The following XKR4 variants were observed in gnomAD, a reference collection of about 807,000 sequenced individuals.
The protein encoded by XKR4 is XK-related protein 4.
Under a neutral mutation model 53.9 loss-of-function variants are expected in XKR4, and 12 were observed. The observed-to-expected ratio is 0.22, with a 90% CI of 0.14 to 0.36. The LOEUF (loss-of-function observed/expected upper bound fraction) is 0.36, where lower values mean the gene tolerates loss of function less well. XKR4 is among the 10% of genes least tolerant of loss of function. The pLI is 1.00. For missense variants in XKR4, 799 were observed against 859.5 expected, an observed-to-expected ratio of 0.93 and a Z score of 0.88; for synonymous variants, 354 against 362.4, an observed-to-expected ratio of 0.98 and a Z score of 0.26.
At chr8:55,501,065 G>C (rs145182624) in intron 2 of XKR4, among the ~76,000 whole-genome samples, 1 of 152,308 alleles carries the variant, frequency 6.6e-6, no homozygotes, top group East Asian at 1.9e-4. Flanking sequence ...GAACAGACAG[G>C]TGTAATACTG....
chr8:55,309,066 G>A (rs947939426), intron 1 of XKR4, among the ~76,000 whole-genome samples: 14 of 152,148 alleles, frequency 9.2e-5, no homozygotes, highest in African/African-American at 3.4e-4. Context: ...AAAGGGCAAG[G>A]GAATGGATTC....
intron 1 of XKR4, among the ~76,000 whole-genome samples, chr8:55,103,728 GA>G (rs562489980): frequency 1.3e-5 from 2 of 150,696 alleles, no homozygotes; most frequent in Non-Finnish European, 3.0e-5. Flanking sequence ...GTTCCCTGGG[GA>G]AAAAAAATTG....
Position 55,528,663 on chromosome 8 carries a change from T to G in XKR4, c.*4436T>G, listed in dbSNP as rs1806908942. 6.6e-6 allele frequency: 1 copy of G among 152,208 alleles called. No individual in the cohort carries two copies. The highest frequency in any genetic ancestry group is 1.5e-5 in the Non-Finnish European group (1 of 68,042). 9.4% of individuals were successfully genotyped at this position (152,208 alleles called of 1,614,324 possible). A position where few individuals can be genotyped will look rare whatever the true frequency, so the allele number is the denominator to read the frequency against. On this transcript the variant is annotated 3_prime_UTR_variant, in exon 3 of 3. Transcript: ENST00000327381. ...ATTCAGATTATAGCTCAGAGGATGG[T>G]TGAAGCGCATGGTGAAAACACAGGA... is the stretch of plus-strand genomic sequence containing the variant.
At chr8:55,516,986 G>T (rs111450438) in intron 2 of XKR4, among the ~76,000 whole-genome samples, 3,841 of 152,200 alleles carry the variant, frequency 0.025, 78 homozygotes, top group South Asian at 0.075. Flanking sequence ...CAACATAGAT[G>T]GAACTGGGAG....
intron 1 of XKR4, among the ~76,000 whole-genome samples, chr8:55,108,913 A>G (rs1193970253): frequency 1.3e-5 from 2 of 152,126 alleles, no homozygotes; most frequent in East Asian, 3.9e-4. Flanking sequence ...CTAGAACTCA[A>G]TACTGATATG....
chr8:55,526,375 C>T lies in XKR4; in HGVS notation c.*2148C>T, dbSNP rs988548202. 1.3e-5 allele frequency: 2 copies of T among 152,126 alleles called. No individual in the cohort carries two copies. The highest frequency in any genetic ancestry group is 2.9e-5 in the Non-Finnish European group (2 of 68,020). The allele number at this position is 152,126 out of a possible 1,614,324, so 9.4% of individuals were successfully genotyped here. A position where few individuals can be genotyped will look rare whatever the true frequency, so the allele number is the denominator to read the frequency against. On this transcript the variant is annotated 3_prime_UTR_variant, in exon 3 of 3. Transcript: ENST00000327381. ...AAAATAGACAATTTTTATAAGTAGA[C>T]ATACTTCCTAGTACTCCATGATTTG...
intron 2 of XKR4, among the ~76,000 whole-genome samples, chr8:55,499,836 G>A (rs906886416): frequency 5.3e-5 from 8 of 152,094 alleles, no homozygotes; most frequent in African/African-American, 1.9e-4. Context: ...TTTTGTTTGG[G>A]CTATCACTGT....
intron 2 of XKR4, among the ~76,000 whole-genome samples, chr8:55,390,897 C>A (rs1158272461): frequency 6.6e-6 from 1 of 152,156 alleles, no homozygotes; most frequent in Non-Finnish European, 1.5e-5. Context: ...TCCTTCTTAT[C>A]CTGCTACCAA....
At chr8:55,456,772 A>G (rs1044473530) in intron 2 of XKR4, among the ~76,000 whole-genome samples, 2 of 152,206 alleles carry the variant, frequency 1.3e-5, no homozygotes, top group Non-Finnish European at 2.9e-5. Flanking sequence ...CATAGCATCA[A>G]AGGCATGTAG....
Position 55,103,224 on chromosome 8 carries a change from G to A in XKR4, c.736G>A (p.Ala246Thr), listed in dbSNP as rs565087505. The A allele has an allele frequency of 1.9e-6, 3 of 1,614,102 alleles. No individual in the cohort carries two copies. Among genetic ancestry groups the A allele is most frequent in the African/African-American group, 2.7e-5 (2 of 75,072 alleles). Residue 246 changes from alanine (A) to threonine (T), a missense_variant, in exon 1 of 3, where the codon GCG (alanine) becomes ACG (threonine). Ala to Thr is a moderately conservative substitution (Grantham distance 58). This residue lies in a region of XKR4 where 476 missense variants were observed against 505.4 expected (regional missense o/e 0.94). Coordinates refer to ENST00000327381, the MANE Select transcript of XKR4 (RefSeq NM_052898.2). ...CCGGGCCAGTGGCAAGCACAGGTCT[G>A]CGTCCTGCTCCTTCTGCATCTGGCT... ...ATRASGKHRS[A>T]SCSFCIWLLQ...
At chr8:55,169,075 A>G (rs1172615116) in intron 1 of XKR4, among the ~76,000 whole-genome samples, 5 of 152,222 alleles carry the variant, frequency 3.3e-5, no homozygotes, top group Non-Finnish European at 1.5e-5. Flanking sequence ...GACATGTTGC[A>G]TACTAAATTC....
intron 1 of XKR4, among the ~76,000 whole-genome samples, chr8:55,187,237 A>G (rs1585926975): frequency 7.1e-6 from 1 of 141,824 alleles, no homozygotes; most frequent in Non-Finnish European, 1.5e-5. Context: ...CAGGCACCAC[A>G]CTCCAGTGTT....
chr8:55,267,496 C>G (rs1380193664), intron 1 of XKR4, among the ~76,000 whole-genome samples: 4 of 152,136 alleles, frequency 2.6e-5, no homozygotes, highest in Admixed American at 6.5e-5. Flanking sequence ...TAATGCACAC[C>G]TAGCTGCTGA....
Position 55,523,506 on chromosome 8 carries a change from T to G in XKR4, c.1232T>G (p.Ile411Ser). ...ATCTTCATCGTCCTTCACTGGTGCA[T>G]CATGACCTTCTGGATCGTCCACTGT... ...FGIFIVLHWC[I>S]MTFWIVHCET... The change falls in exon 3 of 3, where the codon ATC becomes AGC. Residue 411 changes from isoleucine to serine, a missense_variant. Physicochemically the swap from Ile to Ser is moderately radical, Grantham distance 142 (BLOSUM62 -2). Coordinates refer to ENST00000327381, the MANE Select transcript of XKR4 (RefSeq NM_052898.2). 1 of 1,614,258 alleles carries G rather than the reference T, an allele frequency of 6.2e-7. No individual in the cohort carries two copies. Among genetic ancestry groups the G allele is most frequent in the Non-Finnish European group, 8.5e-7 (1 of 1,180,042 alleles).
chr8:55,433,021 G>A (rs904637237), intron 2 of XKR4, among the ~76,000 whole-genome samples: 4 of 152,182 alleles, frequency 2.6e-5, no homozygotes, highest in African/African-American at 4.8e-5. Context: ...TTGTAAAGGA[G>A]TATCACTTTT....
In XKR4 at chr8:55,505,211, T is replaced by TTGCTGCATCTATTAGTTTA. The variant is rs1314782702; in HGVS notation, c.1007-18052_1007-18051insATGCTGCATCTATTAGTTT. ...ATAGATGTTTTAGCTTAGCATTGCT[T>TTGCTGCATCTATTAGTTTA]TGCTGCATCTATTAGTTTTTGCTGC... On this transcript the variant is annotated intron_variant, in intron 2 of 2. Coordinates refer to ENST00000327381, the MANE Select transcript of XKR4 (RefSeq NM_052898.2). Among the ~76,000 whole-genome samples the TTGCTGCATCTATTAGTTTA allele has an allele frequency of 2.6e-5, 4 of 152,272 alleles. No individual in the cohort carries two copies. The East Asian group carries it at 7.7e-4, about 29-fold the overall frequency.
At chr8:55,431,764 A>AT (rs1471116749) in intron 2 of XKR4, among the ~76,000 whole-genome samples, 2 of 152,264 alleles carry the variant, frequency 1.3e-5, no homozygotes, top group Non-Finnish European at 2.9e-5. Flanking sequence ...TACCTTCTGT[A>AT]TTTTTTCTCA....
chr8:55,166,477 G>A (rs1286962683), intron 1 of XKR4, among the ~76,000 whole-genome samples: 5 of 152,316 alleles, frequency 3.3e-5, no homozygotes, highest in Middle Eastern at 3.4e-3. Context: ...GGATACAGCA[G>A]CAAAAGCAAA....
chr8:55,327,840 A>G (rs1803316921), intron 1 of XKR4, among the ~76,000 whole-genome samples: 1 of 152,208 alleles, frequency 6.6e-6, no homozygotes, highest in Non-Finnish European at 1.5e-5. Context: ...AGTCTGTCCA[A>G]CCTTTCAACC....
Sources: gnomAD v4.1 joint callset for allele counts (sites outside exome capture counted in the v4.1 genomes callset) on GRCh38, gnomAD v4.1.1 for gene constraint, gnomAD v4.1.1 regional missense constraint, MANE v1.5 for transcripts, NCBI Gene and HGNC (gene_info 2026-07-23, HGNC 2026-07-21) for gene names.